Variants in INTS1 observed in about 807,000 individuals in gnomAD.
INTS1 encodes the protein integrator complex subunit 1.
INTS1 carries 137 observed loss-of-function variants against 241.6 expected under a neutral mutation model. The ratio of observed to expected loss-of-function variants is 0.57; its 90% CI spans 0.49 to 0.65. The LOEUF (loss-of-function observed/expected upper bound fraction) is 0.65, where lower values mean the gene tolerates loss of function less well. Among genes scored for constraint, INTS1 ranks in the 30% least tolerant of loss-of-function variants. The pLI is 0.00. For missense variants in INTS1, 3,073 were observed against 3,032.2 expected (o/e 1.01, Z -0.32); for synonymous variants, 1,692 against 1,337.8 (o/e 1.26, Z -5.78).
rs1033746901 is a variant in INTS1 at position 1,495,267 on chromosome 7, G to A, written c.1832+166C>T. ...GTCCGCAGAGAGGGGACAGACTCCC[G>A]TGTGGGGGCCTGGCTTGTCCCGGCT... On this transcript the variant is annotated intron_variant, in intron 13 of 47. Transcript: ENST00000404767. Among the ~76,000 whole-genome samples the A allele has an allele frequency of 9.8e-5, 15 of 152,300 alleles. No individual in the cohort carries two copies. The East Asian group carries it at 1.2e-3, about 12-fold the overall frequency.
At chr7:1,476,953 C>T in intron 35 of INTS1, 35 bp from the exon 36 acceptor site, 1 of 1,592,230 alleles carries the variant, frequency 6.3e-7, no homozygotes, top group East Asian at 2.3e-5. Flanking sequence ...ATGGCCTCAC[C>T]TGGGCCAATG....
rs1314041199 is a variant in INTS1, at chr7:1,497,940, ACAGGGGCT to A, written c.1425+464_1425+471del. ...CACAGGAGGCGGGTCTGGGCCAGGC[ACAGGGGCT>A]CATGCCTGTCATCCCAGCACTTTGG... is the stretch of plus-strand genomic sequence containing the variant. On this transcript the variant is annotated intron_variant, in intron 10 of 47. Transcript: ENST00000404767. The surrounding 1 kb of genome is among the most constrained non-coding windows in gnomAD (Gnocchi z 5.3). Among the ~76,000 whole-genome samples the A allele has an allele frequency of 6.6e-6, 1 of 152,238 alleles. No homozygotes were observed. Among genetic ancestry groups the A allele is most frequent in the Non-Finnish European group, 1.5e-5 (1 of 68,044 alleles).
At chr7:1,472,453 A>G in intron 43 of INTS1, 67 bp from the exon 44 acceptor site, 7 of 1,164,752 alleles carry the variant, frequency 6.0e-6, no homozygotes, top group African/African-American at 1.5e-5. Flanking sequence ...AGGCACCAGG[A>G]CCTGCCCTCC....
intron 3 of INTS1, among the ~76,000 whole-genome samples, 186 bp from the exon 4 acceptor site, chr7:1,500,552 C>G (rs941930811): frequency 6.6e-6 from 1 of 152,178 alleles, no homozygotes; most frequent in African/African-American, 2.4e-5. Context: ...CTTAATACAA[C>G]AGGCTGCCCC....
chr7:1,503,408 C>A (rs1225578466), intron 2 of INTS1, among the ~76,000 whole-genome samples: 8 of 152,172 alleles, frequency 5.3e-5, no homozygotes, highest in Admixed American at 6.5e-5. Context: ...ACAAACCAGG[C>A]CATCTCTGGT....
Position 1,473,776 on chromosome 7 carries a change from C to T in INTS1, c.5830-83G>A. ...CTGTGCTCCCATCTGCTCCCAGAGC[C>T]TCAGGGCATGGACCCCACAGCCAAC... On this transcript the variant is annotated intron_variant, in intron 41 of 47. Coordinates refer to ENST00000404767, the MANE Select transcript of INTS1 (RefSeq NM_001080453.3). The T allele has an allele frequency of 1.5e-5, 23 of 1,550,994 alleles. No individual in the cohort carries two copies. In the South Asian group the frequency reaches 2.6e-4, roughly 18 times the overall value.
chr7:1,499,454 G>T lies in INTS1; in HGVS notation c.844+19C>A. On this transcript the variant is annotated intron_variant, in intron 6 of 47. Coordinates refer to ENST00000404767, the MANE Select transcript of INTS1 (RefSeq NM_001080453.3). ...TGGGGCTTGGACACCCGCCCTCTCT[G>T]GCTGGCCGTGTGTCTCACCTGCACC... The T allele has an allele frequency of 2.6e-6, 4 of 1,540,118 alleles. No homozygotes were observed. The highest frequency in any genetic ancestry group is 3.5e-6 in the Non-Finnish European group (4 of 1,141,226).
intron 45 of INTS1, 87 bp downstream of exon 45, chr7:1,471,484 G>A (rs759199206): frequency 2.7e-5 from 38 of 1,421,118 alleles, no homozygotes; most frequent in Admixed American, 1.2e-4. Context: ...GGCTCAGCGC[G>A]GGCACGCCAT....
chr7:1,488,113 G>C (rs1363968015), intron 18 of INTS1, among the ~76,000 whole-genome samples, 156 bp from the exon 19 acceptor site: 2 of 152,162 alleles, frequency 1.3e-5, no homozygotes, highest in East Asian at 3.9e-4. Context: ...GCATCCATGG[G>C]GCTGTCAGAG....
Position 1,498,499 on chromosome 7 carries a change from G to C in INTS1, c.1338C>G (p.Ile446Met). The C allele has an allele frequency of 6.2e-7, 1 of 1,613,964 alleles. No individual in the cohort carries two copies. The highest frequency in any genetic ancestry group is 8.5e-7 in the Non-Finnish European group (1 of 1,179,886). Reference protein sequence around the residue: ...DNLGTTIKLVIFNELSSARNP... With the variant: ...DNLGTTIKLVMFNELSSARNP... Reference sequence around the variant, plus strand: ...TCCGGGCGCTGGAGAGCTCATTGAAGATCACCAACTTGATGGTGGTGCCCA... The same window carrying C: ...TCCGGGCGCTGGAGAGCTCATTGAACATCACCAACTTGATGGTGGTGCCCA... Residue 446 changes from isoleucine to methionine, a missense_variant, in exon 10 of 48, where the codon ATC (isoleucine) becomes ATG (methionine). Ile to Met is a conservative substitution (Grantham distance 10). Transcript: ENST00000404767.
At chr7:1,498,947 C>CCCCCCCCCCCCCCCCGG in intron 8 of INTS1, 28 bp downstream of exon 8, 2 of 1,339,450 alleles carry the variant, frequency 1.5e-6, no homozygotes, top group Non-Finnish European at 2.0e-6. Context: ...CCCCCTGCCC[C>CCCCCCCCCCCCCCCCGG]GCCCACCCCC....
At position 1,478,752 on chromosome 7, in the gene INTS1, G is replaced by A. The variant is rs1191614653; in HGVS notation, c.4463C>T (p.Ala1488Val). 6.3e-7 allele frequency: 1 copy of A among 1,592,490 alleles called. No homozygotes were observed. The highest frequency in any genetic ancestry group is 8.5e-7 in the Non-Finnish European group (1 of 1,170,190). The change falls in exon 32 of 48, where the codon GCC (alanine) becomes GTC (valine). Residue 1488 changes from alanine to valine, a missense_variant. Ala to Val is a moderately conservative substitution (Grantham distance 64). Coordinates refer to ENST00000404767, the MANE Select transcript of INTS1 (RefSeq NM_001080453.3). Reference sequence around the variant, plus strand: ...ATCACTGAGCCTGCGCCCGGCTGAGGCCTGGCTGGCAAGCATCCTGAGCTG... The same window carrying A: ...ATCACTGAGCCTGCGCCCGGCTGAGACCTGGCTGGCAAGCATCCTGAGCTG... ...RAQLRMLASQ[A>V]SAGRRLSDVR... is the part of the protein sequence containing the mutation.
chr7:1,484,038 G>A lies in INTS1; in HGVS notation c.3394C>T (p.Arg1132Trp), dbSNP rs368910259. The A allele has an allele frequency of 5.0e-6, 8 of 1,611,408 alleles. No homozygotes were observed. Among genetic ancestry groups the A allele is most frequent in the South Asian group, 1.1e-5 (1 of 91,080 alleles). Residue 1132 changes from arginine to tryptophan, a missense_variant, in exon 25 of 48, where the codon CGG becomes TGG. Transcript: ENST00000404767. ...SIFSRYVRRM[R>W]QSKEGEEVYS... ...ACCTCCTCGCCCTCCTTGCTCTGCC[G>A]CATGCGCCTCACGTAGCGTGAGAAG...
Position 1,472,346 on chromosome 7 carries a change from G to A in INTS1, c.6111C>T (p.Ser2037=). 6.4e-7 allele frequency: 1 copy of A among 1,573,944 alleles called. No homozygotes were observed. Among genetic ancestry groups the A allele is most frequent in the Non-Finnish European group, 8.6e-7 (1 of 1,160,478 alleles). Residue 2037 remains serine (S), a synonymous_variant, in exon 44 of 48, where the codon TCC becomes TCT. Coordinates refer to ENST00000404767, the MANE Select transcript of INTS1 (RefSeq NM_001080453.3). The stretch of plus-strand genomic sequence containing the variant: ...CGGCCGCGGTCAGAGGGGTGAACAG[G>A]GAGACGCTGACCAGGGGCAAGGAGC... ...SAGSLPLVSV[S]LFTPLTAAEM... is the part of the protein sequence containing the mutation.
chr7:1,477,950 A>G lies in INTS1; in HGVS notation c.4631-14T>C, dbSNP rs772550520. The G allele has an allele frequency of 1.9e-6, 3 of 1,611,286 alleles. No homozygotes were observed. The highest frequency in any genetic ancestry group is 2.5e-6 in the Non-Finnish European group (3 of 1,178,866). ...GCCCCTGGAGGACTGCGCAAGGGAC[A>G]AAGAGACATGTGGGTCACTCCCAGG... is the stretch of plus-strand genomic sequence containing the variant. On this transcript the variant is annotated splice_polypyrimidine_tract_variant and intron_variant, in intron 33 of 47. Transcript: ENST00000404767.
At chr7:1,471,689 C>T (rs1781475202) in intron 44 of INTS1, 48 bp from the exon 45 acceptor site, 1 of 1,580,596 alleles carries the variant, frequency 6.3e-7, no homozygotes, top group South Asian at 1.1e-5. Flanking sequence ...CCAGGCAGAC[C>T]TCTGCCCACC....
Position 1,502,980 on chromosome 7 carries a change from C to A in INTS1, c.270G>T (p.Gly90=). ...CTGCCACTGCAGCCTCAGCCAGGCGCCCCAGGGCACTCAGAGGGGGTGTGG... is the reference window on the plus strand; with the variant it reads ...CTGCCACTGCAGCCTCAGCCAGGCGACCCAGGGCACTCAGAGGGGGTGTGG... ...LSSTPPLSAL[G]RLAEAAVAEK... is the part of the protein sequence containing the mutation. Residue 90 remains glycine, a synonymous_variant, in exon 3 of 48, where the codon GGG becomes GGT. Transcript: ENST00000404767. 1 of 1,613,792 alleles carries A rather than the reference C, an allele frequency of 6.2e-7. No individual in the cohort carries two copies. The highest frequency in any genetic ancestry group is 8.5e-7 in the Non-Finnish European group (1 of 1,179,878).
At chr7:1,473,943 C>CACGGAGGGTCTGGGCTGGGCTTCT (rs1562484949) in intron 41 of INTS1, among the ~76,000 whole-genome samples, 3 of 152,260 alleles carry the variant, frequency 2.0e-5, no homozygotes, top group African/African-American at 7.2e-5. Context: ...CAGAGAACAG[C>CACGGAGGGTCTGGGCTGGGCTTCT]ACGGAGGGTC....
At chr7:1,471,519 T>C (rs943059107) in intron 45 of INTS1, 52 bp downstream of exon 45, 2 of 1,579,410 alleles carry the variant, frequency 1.3e-6, no homozygotes, top group Middle Eastern at 1.7e-4. Context: ...CCTGCTGGGG[T>C]TCCCCAAGGG....
Sources: allele counts gnomAD v4.1 joint callset (sites outside exome capture counted in the v4.1 genomes callset), GRCh38; gene constraint gnomAD v4.1.1; non-coding constraint Gnocchi (gnomAD v3.1); transcripts MANE v1.5; gene names NCBI Gene and HGNC (gene_info 2026-07-23, HGNC 2026-07-21).